CFI: variants seen among roughly 807,000 people sequenced by gnomAD.
CFI encodes the protein C3B/C4B inactivator.
CFI carries 66 observed loss-of-function variants against 78.8 expected under a neutral mutation model. That is an observed-to-expected ratio of 0.84 (90% CI 0.69 to 1.03). CFI has a LOEUF of 1.03. Among genes scored for constraint, CFI ranks in the 50% least tolerant of loss-of-function variants. The probability of loss-of-function intolerance (pLI) is 0.00; values close to 1 mark genes in which losing one functional copy is unlikely to be tolerated. For missense variants in CFI, 706 were observed against 704.5 expected (o/e 1.00, Z -0.02); for synonymous variants, 250 against 232.6 (o/e 1.07, Z -0.68).
chr4:109,779,928 A>T (rs1286486759), intron 1 of CFI, among the ~76,000 whole-genome samples: 1 of 152,184 alleles, frequency 6.6e-6, no homozygotes, highest in Non-Finnish European at 1.5e-5. Flanking sequence ...GGCTAGCCAT[A>T]AGTAGAAAGC....
downstream of CFI, among the ~76,000 whole-genome samples, chr4:109,739,549 A>AT (rs149980304): frequency 0.01 from 1,531 of 152,074 alleles, 26 homozygotes; most frequent in East Asian, 0.053. Flanking sequence ...TGGGGGTGCT[A>AT]TTTTCTGTAG....
In CFI at chr4:109,771,851, G is replaced by C. The variant is rs1332105553; in HGVS notation, c.58-5027C>G. Reference sequence around the variant, plus strand: ...TTTTTGTTTTCATTAGGATAAAAGGGATTTCATCATGGTTATAGGCTAAGG... The same window carrying C: ...TTTTTGTTTTCATTAGGATAAAAGGCATTTCATCATGGTTATAGGCTAAGG... On this transcript the variant is annotated intron_variant, in intron 1 of 12. Transcript: ENST00000394634. 2.0e-5 allele frequency among the ~76,000 whole-genome samples: 3 copies of C among 151,826 alleles called. No homozygotes were observed. The East Asian group carries it at 5.8e-4, about 29-fold the overall frequency.
At chr4:109,789,755 T>C (rs1305540690) in intron 1 of CFI, among the ~76,000 whole-genome samples, 3 of 152,106 alleles carry the variant, frequency 2.0e-5, no homozygotes, top group Non-Finnish European at 4.4e-5. Context: ...GGTGGGAAGA[T>C]AGTCTTCATC....
chr4:109,745,658 G>A (rs1323731254), intron 11 of CFI, among the ~76,000 whole-genome samples: 1 of 152,140 alleles, frequency 6.6e-6, no homozygotes, highest in Non-Finnish European at 1.5e-5. Flanking sequence ...TTTGTAGAGA[G>A]GGTAGGTGCT....
At chr4:109,796,217 T>C (rs949965527) in intron 1 of CFI, among the ~76,000 whole-genome samples, 2 of 152,042 alleles carry the variant, frequency 1.3e-5, no homozygotes, top group African/African-American at 4.8e-5. Flanking sequence ...TGGGATAATA[T>C]ATTCAAAGTG....
chr4:109,770,827 G>T lies in CFI; in HGVS notation c.58-4003C>A, dbSNP rs7673907. ...GCTAATGGATTTAGCAGATCAAGGA[G>T]AACTGAAAGCTAAGCCCCACAGAAC... On this transcript the variant is annotated intron_variant, in intron 1 of 12. Transcript: ENST00000394634. 9.0e-3 allele frequency among the ~76,000 whole-genome samples: 1,369 copies of T among 152,238 alleles called. 12 individuals are homozygous for T. Among genetic ancestry groups the T allele is most frequent in the African/African-American group, 0.031 (1,299 of 41,526 alleles).
At chr4:109,778,607 G>A (rs1729585926) in intron 1 of CFI, among the ~76,000 whole-genome samples, 1 of 152,120 alleles carries the variant, frequency 6.6e-6, no homozygotes, top group African/African-American at 2.4e-5. Context: ...TAGAAAAAGA[G>A]GGAATCCTCC....
chr4:109,772,069 T>A (rs1456999701), intron 1 of CFI, among the ~76,000 whole-genome samples: 7 of 152,238 alleles, frequency 4.6e-5, no homozygotes, highest in Non-Finnish European at 8.8e-5. Context: ...AACATTACCA[T>A]TTTAAATTTC....
At chr4:109,790,009 C>T (rs1480145205) in intron 1 of CFI, among the ~76,000 whole-genome samples, 1 of 151,938 alleles carries the variant, frequency 6.6e-6, no homozygotes, top group African/African-American at 2.4e-5. Context: ...TAGGTCTGTT[C>T]AGATTTTCTA....
At chr4:109,773,638 T>A (rs182701432) in intron 1 of CFI, among the ~76,000 whole-genome samples, 4 of 152,170 alleles carry the variant, frequency 2.6e-5, no homozygotes, top group Non-Finnish European at 4.4e-5. Context: ...CGAGAACTAC[T>A]GGTGTAGGGA....
intron 1 of CFI, among the ~76,000 whole-genome samples, chr4:109,786,465 AC>A (rs1730756822): frequency 6.6e-6 from 1 of 152,126 alleles, no homozygotes; most frequent in Admixed American, 6.6e-5. Context: ...AAGAAATAAA[AC>A]AACCTCCTTT....
At chr4:109,757,726 A>G (rs1213039458) in intron 7 of CFI, 37 bp downstream of exon 7, 4 of 1,333,282 alleles carry the variant, frequency 3.0e-6, no homozygotes, top group Admixed American at 1.8e-5. Context: ...TTTTGTTTCA[A>G]TTTTTTAATA....
In CFI at chr4:109,766,568, G is replaced by C. The variant is rs1316844995; in HGVS notation, c.314C>G (p.Thr105Arg). Residue 105 changes from threonine (T) to arginine (R), a missense_variant, in exon 2 of 13, where the codon ACA (threonine) becomes AGA (arginine). Thr to Arg is a moderately conservative substitution (Grantham distance 71). Coordinates refer to ENST00000394634, the MANE Select transcript of CFI (RefSeq NM_000204.5). ...HPGTKFLNNG[T>R]CTAEGKFSVS... ...TCTCTTGCTACCTTCGGCTGTGCAT[G>C]TTCCGTTATTTAAAAACTTTGTCCC... is the stretch of plus-strand genomic sequence containing the variant. 3.1e-6 allele frequency: 5 copies of C among 1,614,094 alleles called. No individual in the cohort carries two copies. The highest frequency in any genetic ancestry group is 4.2e-6 in the Non-Finnish European group (5 of 1,180,038).
chr4:109,750,251 C>T (rs1724987554), intron 8 of CFI, among the ~76,000 whole-genome samples: 2 of 152,070 alleles, frequency 1.3e-5, no homozygotes, highest in Non-Finnish European at 2.9e-5. Context: ...CCCACCTCAG[C>T]CTCCCAAAGT....
At chr4:109,755,081 T>G (rs558470028) in intron 7 of CFI, among the ~76,000 whole-genome samples, 1 of 152,016 alleles carries the variant, frequency 6.6e-6, no homozygotes, top group Admixed American at 6.6e-5. Context: ...TGCAAATCAG[T>G]AAGAAAGATT....
At chr4:109,751,287 C>T (rs1725098876) in intron 8 of CFI, among the ~76,000 whole-genome samples, 1 of 151,812 alleles carries the variant, frequency 6.6e-6, no homozygotes, top group African/African-American at 2.4e-5. Context: ...TAAGTTTTTG[C>T]TTACACTTTT....
At chr4:109,756,114 G>A (rs186079789) in intron 7 of CFI, among the ~76,000 whole-genome samples, 57 of 152,172 alleles carry the variant, frequency 3.7e-4, no homozygotes, top group Admixed American at 3.2e-3. Flanking sequence ...ACAAAAAAAC[G>A]TACATATTAA....
chr4:109,787,904 A>G (rs1280968303), intron 1 of CFI, among the ~76,000 whole-genome samples: 1 of 151,916 alleles, frequency 6.6e-6, no homozygotes, highest in Admixed American at 6.6e-5. Context: ...AAACAGAGAG[A>G]ATTGTTCAAA....
intron 6 of CFI, chr4:109,758,017 A>G: frequency 1.6e-6 from 2 of 1,239,738 alleles, no homozygotes; most frequent in Non-Finnish European, 2.2e-6. Flanking sequence ...TTTGAATAAA[A>G]TATGCACAAA....
Sources: gnomAD v4.1 joint callset for allele counts (sites outside exome capture counted in the v4.1 genomes callset) on GRCh38, gnomAD v4.1.1 for gene constraint, MANE v1.5 for transcripts, NCBI Gene and HGNC (gene_info 2026-07-23, HGNC 2026-07-21) for gene names.